CEP95: variants seen among roughly 807,000 people sequenced by gnomAD.
CEP95 encodes centrosomal protein of 95 kDa.
In CEP95, 98 loss-of-function variants were observed where a neutral mutation model predicts 111.2. That is an observed-to-expected ratio of 0.88 (90% CI 0.75 to 1.04). The LOEUF (loss-of-function observed/expected upper bound fraction) is 1.04, where lower values mean the gene tolerates loss of function less well. Among genes scored for constraint, CEP95 ranks in the 50% least tolerant of loss-of-function variants. CEP95 has a pLI of 0.00. For missense variants in CEP95, 1,027 were observed against 977.2 expected (o/e 1.05, Z -0.68); for synonymous variants, 323 against 327.1 (o/e 0.99, Z 0.14).
In CEP95 at chr17:64,526,109, C is replaced by T. The variant is rs370512192; in HGVS notation, c.1061C>T (p.Pro354Leu). 5.0e-6 allele frequency: 8 copies of T among 1,613,646 alleles called. No individual in the cohort carries two copies. Among genetic ancestry groups the T allele is most frequent in the Non-Finnish European group, 6.8e-6 (8 of 1,179,780 alleles). Reference sequence around the variant, plus strand: ...GCTACAGCCTCATCCTGCAATTCACCTTTCCCCCAGAGGCCAAGAAAGAGA... The same window carrying T: ...GCTACAGCCTCATCCTGCAATTCACTTTTCCCCCAGAGGCCAAGAAAGAGA... ...NRATASSCNS[P>L]FPQRPRKRLT... Residue 354 changes from proline to leucine, a missense_variant, in exon 10 of 20, where the codon CCT (proline) becomes CTT (leucine). Transcript: ENST00000556440.
intron 1 of CEP95, chr17:64,508,000 A>T (rs2144312293): frequency 2.0e-6 from 2 of 985,344 alleles, no homozygotes; most frequent in African/African-American, 1.7e-5. Flanking sequence ...TGTACTTCCC[A>T]TATTTTCTTT....
intron 17 of CEP95, chr17:64,535,973 A>G (rs1555681461): frequency 6.6e-6 from 1 of 152,250 alleles, no homozygotes; most frequent in South Asian, 2.1e-4. Flanking sequence ...GCCACGAATT[A>G]CATGATTCCA....
chr17:64,508,614 C>T lies in CEP95; in HGVS notation c.42C>T (p.Asn14=), dbSNP rs2038713376. The T allele has an allele frequency of 1.4e-6, 2 of 1,425,442 alleles. No individual in the cohort carries two copies. Among genetic ancestry groups the T allele is most frequent in the East Asian group, 2.7e-5 (1 of 36,596 alleles). 88.3% of individuals were successfully genotyped at this position (1,425,442 alleles called of 1,614,324 possible). The stretch of plus-strand genomic sequence containing the variant: ...CAGAGTGGGTAACCATTGCCAATAA[C>T]CTTCTTTTTAAGTGTCATATACATC... ...SDAEWVTIAN[N]LLFKCHIHLR... is the part of the protein sequence containing the mutation. Residue 14 remains asparagine, a synonymous_variant, in exon 2 of 20, where the codon AAC becomes AAT. Transcript: ENST00000556440.
intron 3 of CEP95, among the ~76,000 whole-genome samples, chr17:64,514,037 A>G (rs560115822): frequency 1.8e-3 from 269 of 152,294 alleles, no homozygotes; most frequent in African/African-American, 6.1e-3. Context: ...TTCTTCAAAT[A>G]TAATCAGGCA....
At chr17:64,526,030 C>T in intron 9 of CEP95, 41 bp from the exon 10 acceptor site, 1 of 1,592,046 alleles carries the variant, frequency 6.3e-7, no homozygotes, top group Non-Finnish European at 8.5e-7. Context: ...AAATAATAGA[C>T]ACCTAGCTAT....
chr17:64,533,086 T>C, intron 15 of CEP95, 31 bp from the exon 16 acceptor site: 1 of 1,606,156 alleles, frequency 6.2e-7, no homozygotes, highest in Non-Finnish European at 8.5e-7. Context: ...ACAGCATTAT[T>C]AACCTACTTA....
intron 3 of CEP95, among the ~76,000 whole-genome samples, chr17:64,512,550 A>C (rs1393718048): frequency 1.3e-5 from 2 of 152,234 alleles, no homozygotes; most frequent in African/African-American, 4.8e-5. Flanking sequence ...TTATGAATAG[A>C]GGGAATATTG....
At chr17:64,527,889 T>TAC (rs781918290) in intron 11 of CEP95, among the ~76,000 whole-genome samples, 224 of 142,996 alleles carry the variant, frequency 1.6e-3, no homozygotes, top group South Asian at 3.6e-3. Context: ...TATATATATA[T>TAC]ATACACACAC....
rs1162981969 is a variant in CEP95 at position 64,534,454 on chromosome 17, GGGGCCAC to G, written c.1918-130_1918-124del. 1.1e-5 allele frequency: 8 copies of G among 759,130 alleles called. No homozygotes were observed. The African/African-American group carries it at 1.4e-4, about 13-fold the overall frequency. The allele number at this position is 759,130 out of a possible 1,614,324, so 47.0% of individuals were successfully genotyped here. On this transcript the variant is annotated intron_variant, in intron 16 of 19. Coordinates refer to ENST00000556440, the MANE Select transcript of CEP95 (RefSeq NM_138363.3). Reference sequence around the variant, plus strand: ...AGCTGCCAAAGGCTGAAGGGCTTCTGGGGCCACTGGCCCCCCACACGTGACATACTGC... The same window carrying G: ...AGCTGCCAAAGGCTGAAGGGCTTCTGTGGCCCCCCACACGTGACATACTGC...
chr17:64,518,704 G>C (rs1251744141), intron 5 of CEP95, among the ~76,000 whole-genome samples: 7 of 151,640 alleles, frequency 4.6e-5, no homozygotes, highest in Non-Finnish European at 1.0e-4. Flanking sequence ...TTTTGAGACA[G>C]AGTTTTGCTC....
At chr17:64,528,037 G>A (rs1967996925) in intron 11 of CEP95, among the ~76,000 whole-genome samples, 3 of 151,910 alleles carry the variant, frequency 2.0e-5, no homozygotes, top group African/African-American at 7.3e-5. Flanking sequence ...TAGTAGGATT[G>A]CTGGATCATA....
chr17:64,532,342 G>C (rs1389576867), intron 14 of CEP95: 2 of 1,089,492 alleles, frequency 1.8e-6, no homozygotes, highest in African/African-American at 3.3e-5. Flanking sequence ...AGAATGAAAG[G>C]GATGCTCCAA....
chr17:64,509,614 A>G (rs1007096616), intron 2 of CEP95, among the ~76,000 whole-genome samples: 4 of 152,238 alleles, frequency 2.6e-5, no homozygotes, highest in African/African-American at 4.8e-5. Flanking sequence ...GAGCCGGGAA[A>G]GTGGAGGTTG....
At chr17:64,523,132 C>G (rs1282097270) in intron 8 of CEP95, among the ~76,000 whole-genome samples, 2 of 152,052 alleles carry the variant, frequency 1.3e-5, no homozygotes, top group Non-Finnish European at 2.9e-5. Flanking sequence ...CATTCTTGTT[C>G]TAGGAAGATA....
chr17:64,525,449 A>G (rs1196525604), intron 8 of CEP95, among the ~76,000 whole-genome samples: 2 of 152,220 alleles, frequency 1.3e-5, no homozygotes, highest in Non-Finnish European at 2.9e-5. Context: ...AGCCACTTGA[A>G]TACTTTGTAC....
chr17:64,514,151 A>G (rs988598098), intron 3 of CEP95, 97 bp from the exon 4 acceptor site: 4 of 555,312 alleles, frequency 7.2e-6, no homozygotes, highest in Admixed American at 3.0e-5. Flanking sequence ...CTGTATTCTT[A>G]AATAGCATTT....
intron 14 of CEP95, 34 bp downstream of exon 14, chr17:64,532,056 T>A: frequency 1.3e-6 from 2 of 1,512,802 alleles, no homozygotes; most frequent in South Asian, 2.7e-5. Flanking sequence ...TATGGAAAAC[T>A]GGCAACCTTT....
chr17:64,537,345 A>G (rs1318350892), intron 19 of CEP95: 4 of 1,405,152 alleles, frequency 2.8e-6, no homozygotes, highest in Non-Finnish European at 3.7e-6. Context: ...TGACTAATTT[A>G]CATTTTTAGG....
rs1568114343 is a variant in CEP95 at position 64,507,089 on chromosome 17, C to G, written c.-9C>G. The G allele has an allele frequency of 6.4e-7, 1 of 1,551,412 alleles. No homozygotes were observed. Among genetic ancestry groups the G allele is most frequent in the Non-Finnish European group, 8.7e-7 (1 of 1,146,958 alleles). ...GCGTCGGAGTCCGGCGGCGACCTGC[C>G]TCTGAAACATGGCAGGCTCGGATGC... On this transcript the variant is annotated 5_prime_UTR_variant, in exon 1 of 20. Coordinates refer to ENST00000556440, the MANE Select transcript of CEP95 (RefSeq NM_138363.3).
Sources: gnomAD v4.1 joint callset for allele counts (sites outside exome capture counted in the v4.1 genomes callset) on GRCh38, gnomAD v4.1.1 for gene constraint, MANE v1.5 for transcripts, NCBI Gene and HGNC (gene_info 2026-07-23, HGNC 2026-07-21) for gene names.